IMMP2L: variants seen among roughly 807,000 people sequenced by gnomAD.
IMMP2L encodes the protein mitochondrial inner membrane protease subunit 2.
In IMMP2L, 18 loss-of-function variants were observed where a neutral mutation model predicts 19.3. The observed-to-expected ratio is 0.93, with a 90% CI of 0.64 to 1.38. The LOEUF (loss-of-function observed/expected upper bound fraction) is 1.38. Among genes scored for constraint, IMMP2L ranks in the 40% most tolerant of loss-of-function variants. The pLI is 0.00. For missense variants in IMMP2L, 233 were observed against 218.2 expected, an observed-to-expected ratio of 1.07 and a Z score of -0.43; for synonymous variants, 76 against 73.0, an observed-to-expected ratio of 1.04 and a Z score of -0.21.
chr7:110,703,941 G>A (rs1415658751), intron 5 of IMMP2L, among the ~76,000 whole-genome samples: 1 of 151,856 alleles, frequency 6.6e-6, no homozygotes, highest in Non-Finnish European at 1.5e-5. Flanking sequence ...CACCTCCCGG[G>A]TTCATGCCAT....
intron 3 of IMMP2L, among the ~76,000 whole-genome samples, chr7:111,334,591 T>C (rs568700320): frequency 2.0e-5 from 3 of 152,090 alleles, no homozygotes; most frequent in Non-Finnish European, 1.5e-5. Context: ...CATAAAGGCA[T>C]TCAGGGTAAT....
chr7:111,326,813 C>A (rs1006323334), intron 3 of IMMP2L, among the ~76,000 whole-genome samples: 2 of 151,780 alleles, frequency 1.3e-5, no homozygotes, highest in Non-Finnish European at 1.5e-5. Flanking sequence ...ACTACCATTT[C>A]TTGGAGCAAT....
In IMMP2L at chr7:110,949,637, A is replaced by G. The variant is rs143548694; in HGVS notation, c.305+13863T>C. Among the ~76,000 whole-genome samples, 454 of 152,284 alleles carry G rather than the reference A, an allele frequency of 3.0e-3. 2 individuals are homozygous for G. The highest frequency in any genetic ancestry group is 0.01 in the African/African-American group (426 of 41,558). On this transcript the variant is annotated intron_variant, in intron 4 of 5. Transcript: ENST00000405709. ...ATGGTTGTTTTCATGCTACAATATC[A>G]GAGTTGAATAGATTTCTCAGATAGT...
At chr7:110,922,989 A>T (rs549354364) in intron 4 of IMMP2L, among the ~76,000 whole-genome samples, 1 of 152,250 alleles carries the variant, frequency 6.6e-6, no homozygotes, top group Admixed American at 6.5e-5. Context: ...TTTCACCATT[A>T]CGAATTTCTA....
chr7:110,827,418 A>G (rs1458027132), intron 5 of IMMP2L, among the ~76,000 whole-genome samples: 4 of 152,134 alleles, frequency 2.6e-5, no homozygotes, highest in Non-Finnish European at 4.4e-5. Flanking sequence ...GCCCTCTGGG[A>G]TTATAATATA....
chr7:111,515,364 T>C (rs182568256), intron 2 of IMMP2L, among the ~76,000 whole-genome samples: 53 of 152,306 alleles, frequency 3.5e-4, no homozygotes, highest in African/African-American at 1.3e-3. Flanking sequence ...ACCCATTTCC[T>C]AAAGATGTGT....
At chr7:111,006,161 T>G (rs1018174094) in intron 3 of IMMP2L, among the ~76,000 whole-genome samples, 3 of 152,152 alleles carry the variant, frequency 2.0e-5, no homozygotes, top group Non-Finnish European at 4.4e-5. Flanking sequence ...ACTGTCATCT[T>G]ATAAATATAT....
chr7:111,135,628 T>C (rs1020394394), intron 3 of IMMP2L, among the ~76,000 whole-genome samples: 1 of 152,200 alleles, frequency 6.6e-6, no homozygotes, highest in African/African-American at 2.4e-5. Context: ...ACATTATTAT[T>C]TTAAAATACA....
intron 3 of IMMP2L, among the ~76,000 whole-genome samples, chr7:111,454,815 C>A (rs1839542108): frequency 6.6e-6 from 1 of 151,728 alleles, no homozygotes; most frequent in South Asian, 2.1e-4. Context: ...AATTCAAAAC[C>A]ATTAACACTC....
intron 2 of IMMP2L, among the ~76,000 whole-genome samples, chr7:111,491,167 ATT>A (rs960871176): frequency 7.2e-5 from 11 of 152,234 alleles, no homozygotes; most frequent in African/African-American, 2.6e-4. Flanking sequence ...TCTTAATAAC[ATT>A]TTCTTTTCCC....
intron 3 of IMMP2L, among the ~76,000 whole-genome samples, chr7:111,240,298 G>A (rs1814851054): frequency 6.6e-6 from 1 of 151,952 alleles, no homozygotes; most frequent in Non-Finnish European, 1.5e-5. Context: ...TCTAAAAAGA[G>A]TAATTTAATA....
chr7:110,902,603 C>T (rs1217650997), intron 4 of IMMP2L, among the ~76,000 whole-genome samples: 2 of 150,810 alleles, frequency 1.3e-5, no homozygotes, highest in African/African-American at 2.4e-5. Flanking sequence ...GGGGATGGAC[C>T]GTAGAGAGAC....
intron 4 of IMMP2L, among the ~76,000 whole-genome samples, chr7:110,951,258 T>G (rs1162281449): frequency 6.6e-6 from 1 of 151,944 alleles, no homozygotes; most frequent in Non-Finnish European, 1.5e-5. Context: ...TTCAAGAGGG[T>G]AGATCTCATA....
intron 3 of IMMP2L, among the ~76,000 whole-genome samples, chr7:111,023,609 A>C (rs998654828): frequency 3.9e-5 from 6 of 152,110 alleles, no homozygotes; most frequent in Admixed American, 3.9e-4. Flanking sequence ...GAGGAGGCTG[A>C]AGCAAGAGAA....
chr7:111,144,666 T>TA (rs1350592836), intron 3 of IMMP2L, among the ~76,000 whole-genome samples: 16 of 151,992 alleles, frequency 1.1e-4, no homozygotes, highest in Non-Finnish European at 1.8e-4. Flanking sequence ...ACTGGCCATA[T>TA]AAAAAACAGT....
At chr7:110,762,125 A>T (rs1798384688) in intron 5 of IMMP2L, among the ~76,000 whole-genome samples, 1 of 152,142 alleles carries the variant, frequency 6.6e-6, no homozygotes, top group East Asian at 1.9e-4. Context: ...AAAAGATTTA[A>T]TTGCAACTTA....
intron 3 of IMMP2L, among the ~76,000 whole-genome samples, chr7:110,966,771 A>T (rs1234089574): frequency 1.3e-5 from 2 of 152,054 alleles, no homozygotes; most frequent in Non-Finnish European, 2.9e-5. Context: ...TATTTTAATC[A>T]TTAGGCTGTT....
intron 3 of IMMP2L, chr7:111,124,815 A>C (rs751019264): frequency 6.2e-7 from 1 of 1,613,354 alleles, no homozygotes; most frequent in East Asian, 2.2e-5. Flanking sequence ...CTCCTCTGAT[A>C]AATCTCTGGG....
chr7:110,873,808 G>T (rs1051091247), intron 5 of IMMP2L, among the ~76,000 whole-genome samples: 1 of 151,178 alleles, frequency 6.6e-6, no homozygotes, highest in African/African-American at 2.4e-5. Context: ...AGCAACATTT[G>T]CAAGAGGTGA....
Sources: allele counts gnomAD v4.1 joint callset (sites outside exome capture counted in the v4.1 genomes callset), GRCh38; gene constraint gnomAD v4.1.1; transcripts MANE v1.5; gene names NCBI Gene and HGNC (gene_info 2026-07-23, HGNC 2026-07-21).